Variants in CELF1 observed in about 807,000 individuals in gnomAD.
CELF1 encodes the protein CUGBP Elav-like family member 1.
CELF1 carries 10 observed loss-of-function variants against 61.8 expected under a neutral mutation model. That is an observed-to-expected ratio of 0.16 (90% confidence interval 0.10 to 0.27). The LOEUF is 0.27. CELF1 is among the 10% of genes least tolerant of loss of function. The pLI is 1.00. For synonymous variants in CELF1, 236 were observed against 225.1 expected, an observed-to-expected ratio of 1.05 and a Z score of -0.43; for missense variants, 380 against 639.1, an observed-to-expected ratio of 0.59 and a Z score of 4.37.
chr11:47,541,605 G>A (rs2153724343), intron 1 of CELF1, among the ~76,000 whole-genome samples: 1 of 150,694 alleles, frequency 6.6e-6, no homozygotes, highest in Non-Finnish European at 1.5e-5. Flanking sequence ...CAGGAGAATC[G>A]CTTGAACCCA....
At chr11:47,555,856 C>T (rs1328905154), upstream of CELF1, among the ~76,000 whole-genome samples, 1 of 152,004 alleles carries the variant, frequency 6.6e-6, no homozygotes, top group Non-Finnish European at 1.5e-5. Context: ...AAACGTTAGC[C>T]AGGCATGATG....
intron 2 of CELF1, among the ~76,000 whole-genome samples, chr11:47,560,818 C>T (rs1384376928): frequency 6.6e-6 from 1 of 152,174 alleles, no homozygotes; most frequent in Non-Finnish European, 1.5e-5. Context: ...TAAAACCTTT[C>T]TGTGCATCTA....
At chr11:47,563,743 G>A (rs981341335) in intron 2 of CELF1, among the ~76,000 whole-genome samples, 4 of 152,148 alleles carry the variant, frequency 2.6e-5, no homozygotes, top group African/African-American at 9.7e-5. Flanking sequence ...CAGATGGGCC[G>A]GGCATGGTGG....
chr11:47,529,585 G>C (rs538394408), intron 1 of CELF1, among the ~76,000 whole-genome samples: 5 of 152,210 alleles, frequency 3.3e-5, no homozygotes, highest in African/African-American at 1.2e-4. Context: ...TTTGAACCCA[G>C]GAAGTGGAGG....
Position 47,482,863 on chromosome 11 carries a change from A to T in CELF1, c.607-7T>A. ...CCATGGGTGATGAGCAACCCTGTGA[A>T]AAGACCATAACGAAAGGGTCAAATT... is the stretch of plus-strand genomic sequence containing the variant. On this transcript the variant is annotated splice_region_variant and splice_polypyrimidine_tract_variant and intron_variant, in intron 8 of 14. Coordinates refer to ENST00000687097, the MANE Select transcript of CELF1 (RefSeq NM_001376376.1). 1 of 1,612,076 alleles carries T rather than the reference A, an allele frequency of 6.2e-7. No homozygotes were observed. The highest frequency in any genetic ancestry group is 8.5e-7 in the Non-Finnish European group (1 of 1,179,018).
intron 1 of CELF1, among the ~76,000 whole-genome samples, chr11:47,530,908 T>C (rs1293571341): frequency 6.6e-6 from 1 of 151,856 alleles, no homozygotes; most frequent in Non-Finnish European, 1.5e-5. Context: ...TGAGCCACAA[T>C]CATGCCATTG....
chr11:47,468,361 C>T lies in CELF1; in HGVS notation c.*3869G>A, dbSNP rs2077028951. ...ATACATGCGGTCTCCTCAAGCCCCA[C>T]AGACTGTATCAGCAAAATGTGCTCA... On this transcript the variant is annotated 3_prime_UTR_variant, in exon 15 of 15. Coordinates refer to ENST00000687097, the MANE Select transcript of CELF1 (RefSeq NM_001376376.1). The T allele has an allele frequency of 6.6e-6, 1 of 152,388 alleles. No individual in the cohort carries two copies. 9.4% of individuals were successfully genotyped at this position (152,388 alleles called of 1,614,324 possible). A position where few individuals can be genotyped will look rare whatever the true frequency, so the allele number is the denominator to read the frequency against.
At chr11:47,488,787 T>C in intron 4 of CELF1, 50 bp downstream of exon 4, 1 of 1,364,460 alleles carries the variant, frequency 7.3e-7, no homozygotes, top group Non-Finnish European at 9.6e-7. Flanking sequence ...CCTCACCTGC[T>C]CTGAGAGTCA....
At chr11:47,536,550 G>A (rs1463561777) in intron 1 of CELF1, among the ~76,000 whole-genome samples, 3 of 151,842 alleles carry the variant, frequency 2.0e-5, no homozygotes, top group Non-Finnish European at 2.9e-5. Flanking sequence ...CCTGAGGTCA[G>A]GTGGAGTTGG....
chr11:47,510,249 G>A (rs1051835526), intron 1 of CELF1, among the ~76,000 whole-genome samples: 1 of 152,152 alleles, frequency 6.6e-6, no homozygotes, highest in African/African-American at 2.4e-5. Context: ...GCCTTTCTTA[G>A]AATAGGCAAG....
At chr11:47,555,708 T>A (rs79117471), upstream of CELF1, among the ~76,000 whole-genome samples, 82 of 152,270 alleles carry the variant, frequency 5.4e-4, no homozygotes, top group East Asian at 5.2e-3. Context: ...TTATTTTTTT[T>A]AAAAAATAGC....
intron 1 of CELF1, among the ~76,000 whole-genome samples, chr11:47,506,254 G>A (rs1156892033): frequency 6.6e-6 from 1 of 150,672 alleles, no homozygotes; most frequent in Admixed American, 6.7e-5. Flanking sequence ...ATGAAACCCC[G>A]TCTCTACTAA....
rs529428500 is a variant in CELF1 at position 47,529,005 on chromosome 11, A to T, written c.-154+23987T>A. ...AGCCTCAACCTCCTGGGCTGGAGTG[A>T]TCCTCTCACTTCAGCCTCCCAAGTA... is the stretch of plus-strand genomic sequence containing the variant. On this transcript the variant is annotated intron_variant, in intron 1 of 14. Transcript: ENST00000687097. Among the ~76,000 whole-genome samples the T allele has an allele frequency of 2.4e-4, 36 of 151,542 alleles. No individual in the cohort carries two copies. In the South Asian group the frequency reaches 7.3e-3, roughly 31 times the overall value.
intron 1 of CELF1, among the ~76,000 whole-genome samples, chr11:47,510,606 C>T (rs896407486): frequency 6.6e-6 from 1 of 152,048 alleles, no homozygotes; most frequent in Non-Finnish European, 1.5e-5. Context: ...CCCACCACGG[C>T]TTCCCAAGTA....
chr11:47,512,628 C>T (rs749543360), intron 1 of CELF1, among the ~76,000 whole-genome samples: 5 of 151,922 alleles, frequency 3.3e-5, no homozygotes, highest in Admixed American at 6.6e-5. Flanking sequence ...ATGTGAGCCT[C>T]CGCACCCTGC....
chr11:47,534,192 C>T (rs11039277), intron 1 of CELF1, among the ~76,000 whole-genome samples: 1 of 151,444 alleles, frequency 6.6e-6, no homozygotes, highest in African/African-American at 2.4e-5. Flanking sequence ...CCATGCCCGG[C>T]TAATATTTTG....
chr11:47,494,063 G>T (rs2092544091), intron 3 of CELF1, among the ~76,000 whole-genome samples: 1 of 152,136 alleles, frequency 6.6e-6, no homozygotes, highest in Non-Finnish European at 1.5e-5. Flanking sequence ...CTCCATTCAA[G>T]AACCAGTGAA....
intron 1 of CELF1, among the ~76,000 whole-genome samples, chr11:47,520,689 G>C (rs528692474): frequency 1.3e-5 from 2 of 152,292 alleles, no homozygotes; most frequent in East Asian, 3.9e-4. Flanking sequence ...GCATGTGCCT[G>C]TGGTCCCAGC....
At chr11:47,539,880 T>C (rs1170795574) in intron 1 of CELF1, among the ~76,000 whole-genome samples, 2 of 152,230 alleles carry the variant, frequency 1.3e-5, no homozygotes, top group African/African-American at 4.8e-5. Context: ...TGCTTCCACC[T>C]GTACGAGCCT....
Sources: gnomAD v4.1 joint callset for allele counts (sites outside exome capture counted in the v4.1 genomes callset) on GRCh38, gnomAD v4.1.1 for gene constraint, MANE v1.5 for transcripts, NCBI Gene and HGNC (gene_info 2026-07-23, HGNC 2026-07-21) for gene names.